Variants in NBPF14 observed in about 807,000 individuals in gnomAD.
NBPF14 encodes NBPF member 14, also known as NBPF family member NBPF14.
Under a neutral mutation model 91.2 loss-of-function variants are expected in NBPF14, and 104 were observed. The observed-to-expected ratio is 1.14, with a 90% confidence interval of 0.97 to 1.34. The LOEUF is 1.34. Ranked by LOEUF, NBPF14 falls within the 40% of genes most tolerant of loss-of-function variation. The pLI, the probability that NBPF14 is intolerant of heterozygous loss-of-function variation, is 0.00. For missense variants in NBPF14, 908 were observed against 783.0 expected (o/e 1.16, Z -1.91); for synonymous variants, 294 against 303.8 (o/e 0.97, Z 0.34).
chr1:148,534,509 T>A (rs1307276412), intron 69 of NBPF14, among the ~76,000 whole-genome samples, 175 bp downstream of exon 69: 1 of 151,788 alleles, frequency 6.6e-6, no homozygotes, highest in African/African-American at 2.4e-5. Flanking sequence ...CACTGACCCA[T>A]TTCATGTCTA....
chr1:148,568,993 C>T (rs1658813463), intron 25 of NBPF14, among the ~76,000 whole-genome samples: 3 of 139,498 alleles, frequency 2.2e-5, no homozygotes, highest in Admixed American at 7.3e-5. Flanking sequence ...GAATTTGTCA[C>T]ATCTGCCCAG....
Position 148,539,396 on chromosome 1 carries a change from A to C in NBPF14, c.7882+14T>G. ...CCAGGTGGAGGCTTATCACCTTCAC[A>C]GTAAGGTACTCACTGTCCACGTCAA... On this transcript the variant is annotated intron_variant, in intron 63 of 70. Transcript: ENST00000619423. 2.4e-6 allele frequency: 1 copy of C among 417,074 alleles called. No homozygotes were observed. The allele number at this position is 417,074 out of a possible 1,614,324, so 25.8% of individuals were successfully genotyped here.
Position 148,534,609 on chromosome 1 carries a change from C to A in NBPF14, c.8614+75G>T, listed in dbSNP as rs1287041833. 2.6e-3 allele frequency: 2,398 copies of A among 907,618 alleles called. 54 individuals are homozygous for A. Among genetic ancestry groups the A allele is most frequent in the South Asian group, 0.02 (1,515 of 76,844 alleles). 56.2% of individuals were successfully genotyped at this position (907,618 alleles called of 1,614,324 possible). On this transcript the variant is annotated intron_variant, in intron 69 of 70. Transcript: ENST00000619423. Reference sequence around the variant, plus strand: ...ATGACATCTCTCGGGTGAGTAAGGGCCACTTGGAATAGGAATATCACCCCT... The same window carrying A: ...ATGACATCTCTCGGGTGAGTAAGGGACACTTGGAATAGGAATATCACCCCT...
intron 37 of NBPF14, among the ~76,000 whole-genome samples, chr1:148,559,449 T>G (rs1362982323): frequency 7.5e-6 from 1 of 132,734 alleles, no homozygotes; most frequent in African/African-American, 3.6e-5. Context: ...AGCGAGGATT[T>G]CAGACGCTGA....
chr1:148,592,699 C>T, exon 4 of NBPF14: 1 of 1,587,154 alleles, frequency 6.3e-7, no homozygotes, highest in Non-Finnish European at 8.6e-7. Context: ...GCATCTCTCC[C>T]TTCCCGTAAC....
intron 8 of NBPF14, 116 bp downstream of exon 8, chr1:148,587,185 T>C: frequency 2.4e-6 from 2 of 847,158 alleles, no homozygotes; most frequent in Non-Finnish European, 3.9e-6. Flanking sequence ...GAGCCTGCCA[T>C]GGCAATTCCT....
At chr1:148,566,669 T>C (rs1373535041) in intron 28 of NBPF14, among the ~76,000 whole-genome samples, 2 of 132,654 alleles carry the variant, frequency 1.5e-5, no homozygotes, top group African/African-American at 2.8e-5. Context: ...GAAAAGACTG[T>C]GCTCAATAAT....
At chr1:148,587,248 C>T in intron 8 of NBPF14, 53 bp downstream of exon 8, 1 of 1,454,856 alleles carries the variant, frequency 6.9e-7, no homozygotes, top group South Asian at 1.1e-5. Flanking sequence ...AGCTGCTGTA[C>T]TTCAGAGATT....
chr1:148,577,525 A>G (rs1660061002), intron 14 of NBPF14, among the ~76,000 whole-genome samples, 170 bp from the exon 15 acceptor site: 1 of 147,948 alleles, frequency 6.8e-6, no homozygotes, highest in South Asian at 2.2e-4. Context: ...GGCCAGGTAG[A>G]AAAGGATGAA....
intron 28 of NBPF14, among the ~76,000 whole-genome samples, chr1:148,566,598 T>G (rs1445021611): frequency 7.1e-6 from 1 of 140,580 alleles, no homozygotes; most frequent in Non-Finnish European, 1.6e-5. Context: ...GACACACTGA[T>G]GAGGGAGTAA....
chr1:148,559,570 C>A (rs1262006455), intron 37 of NBPF14, among the ~76,000 whole-genome samples: 2 of 121,792 alleles, frequency 1.6e-5, no homozygotes, highest in Middle Eastern at 3.8e-3. Flanking sequence ...AGGATTAGGG[C>A]GCCACAGGCA....
Position 148,585,464 on chromosome 1 carries a change from G to A in NBPF14, c.1307-251C>T, listed in dbSNP as rs1352138594. 8.6e-5 allele frequency among the ~76,000 whole-genome samples: 13 copies of A among 151,520 alleles called. No individual in the cohort carries two copies. The East Asian group carries it at 1.8e-3, about 20-fold the overall frequency. Reference sequence around the variant, plus strand: ...AGACCTTTTGCTTCCCATATCACTGGAGGCTTGTGCAGCCTCTCTCTGGAC... The same window carrying A: ...AGACCTTTTGCTTCCCATATCACTGAAGGCTTGTGCAGCCTCTCTCTGGAC... On this transcript the variant is annotated intron_variant, in intron 9 of 70. Coordinates refer to ENST00000619423, the Ensembl canonical transcript of NBPF14.
chr1:148,535,066 G>C (rs1654831955), intron 68 of NBPF14, among the ~76,000 whole-genome samples: 1 of 146,418 alleles, frequency 6.8e-6, no homozygotes, highest in Non-Finnish European at 1.5e-5. Flanking sequence ...GAGAGAGAGA[G>C]AGAGGAGAAA....
intron 70 of NBPF14, among the ~76,000 whole-genome samples, chr1:148,533,589 A>C (rs1654186240): frequency 1.4e-5 from 2 of 146,618 alleles, no homozygotes. Context: ...GAGTGAGCTC[A>C]ATAGTTTTCC....
Position 148,534,714 on chromosome 1 carries a change from G to A in NBPF14, c.8584C>T (p.Gln2862Ter), listed in dbSNP as rs1444434330. The A allele has an allele frequency of 3.6e-6, 3 of 840,460 alleles. No individual in the cohort carries two copies. Among genetic ancestry groups the A allele is most frequent in the Non-Finnish European group, 4.1e-6 (2 of 484,632 alleles). The allele number at this position is 840,460 out of a possible 1,614,324, so 52.1% of individuals were successfully genotyped here. Residue 2862 changes from glutamine to a stop codon, truncating the protein, a stop_gained, in exon 69 of 71, where the codon CAG becomes TAG. Transcript: ENST00000619423. LOFTEE classifies it high-confidence loss of function. ...ACGTCAAGAGCCAAGCCAAGGTACT[G>A]TTCCTCCAATGAGTAAACAGCACTG...
chr1:148,557,769 C>T (rs1487055549), intron 39 of NBPF14, among the ~76,000 whole-genome samples: 1 of 122,012 alleles, frequency 8.2e-6, no homozygotes, highest in Non-Finnish European at 1.6e-5. Flanking sequence ...ATCCCAAAAT[C>T]ATTTATCCCA....
chr1:148,572,495 A>G (rs1659251828), exon 21 of NBPF14: 2 of 580,848 alleles, frequency 3.4e-6, no homozygotes, highest in African/African-American at 3.9e-5. Context: ...AGTAAACAGC[A>G]CTGCTGTAGG....
At chr1:148,561,848 A>G (rs1469390789) in intron 34 of NBPF14, among the ~76,000 whole-genome samples, 6 of 133,322 alleles carry the variant, frequency 4.5e-5, no homozygotes, top group Non-Finnish European at 7.5e-5. Context: ...GAGAGAGAGA[A>G]CGAGCTCAGT....
intron 69 of NBPF14, 65 bp downstream of exon 69, chr1:148,534,619 T>A (rs1183368082): frequency 1.1e-6 from 1 of 907,426 alleles, no homozygotes; most frequent in East Asian, 2.4e-5. Flanking sequence ...CCACTTGGAA[T>A]AGGAATATCA....
Sources: allele counts gnomAD v4.1 joint callset (sites outside exome capture counted in the v4.1 genomes callset), GRCh38; gene constraint gnomAD v4.1.1; transcripts MANE v1.5; gene names NCBI Gene and HGNC (gene_info 2026-07-23, HGNC 2026-07-21).